The following GNL3L variants were observed in gnomAD, a reference collection of about 807,000 sequenced individuals.
GNL3L encodes guanine nucleotide-binding protein-like 3-like protein.
In GNL3L, 4 loss-of-function variants were observed where a neutral mutation model predicts 42.9. The ratio of observed to expected loss-of-function variants is 0.09; its 90% CI spans 0.05 to 0.21. The LOEUF (loss-of-function observed/expected upper bound fraction) is 0.21, where lower values mean the gene tolerates loss of function less well. GNL3L is among the 10% of genes least tolerant of loss of function. GNL3L has a pLI of 1.00. For missense variants in GNL3L, 412 were observed against 481.7 expected (o/e 0.86, Z 1.36); for synonymous variants, 159 against 176.3 (o/e 0.90, Z 0.78).
intron 16 of GNL3L, among the ~76,000 whole-genome samples, chrX:54,607,065 T>C (rs1926089951): frequency 1.6e-5 from 1 of 64,329 alleles, no homozygotes; most frequent in Admixed American, 1.6e-4. Flanking sequence ...TCTTTCTTTC[T>C]TTCTTTCTCT....
chrX:54,630,190 T>A, the GNL3L span, among the ~76,000 whole-genome samples: 1 of 111,340 alleles, frequency 9.0e-6, no homozygotes, highest in East Asian at 2.8e-4. Context: ...ATTTTGTTTA[T>A]CTTTTCAAAG....
At chrX:54,543,185 C>T in intron 6 of GNL3L, 22 bp from the exon 7 acceptor site, 1 of 1,206,789 alleles carries the variant, frequency 8.3e-7, no homozygotes, top group Non-Finnish European at 1.1e-6. Flanking sequence ...CTGCCCTCAT[C>T]TCCTGGTCCT....
chrX:54,556,199 T>G (rs1569542154), intron 14 of GNL3L, among the ~76,000 whole-genome samples: 1 of 110,842 alleles, frequency 9.0e-6, no homozygotes, highest in Non-Finnish European at 1.9e-5. Flanking sequence ...AGGAAAGAGA[T>G]TTAATTGACT....
At chrX:54,607,097 CTT>C (rs748599204) in intron 16 of GNL3L, among the ~76,000 whole-genome samples, 130 of 55,474 alleles carry the variant, frequency 2.3e-3, no homozygotes, top group Middle Eastern at 8.2e-3. Context: ...TTCTTTCTTT[CTT>C]TCTTTCTTTC....
intron 2 of GNL3L, among the ~76,000 whole-genome samples, chrX:54,538,427 C>G (rs776687054): frequency 2.7e-5 from 3 of 112,109 alleles, no homozygotes; most frequent in Admixed American, 9.6e-5. Flanking sequence ...AATAGGCCAA[C>G]TGTGAACGGG....
intron 16 of GNL3L, among the ~76,000 whole-genome samples, chrX:54,590,817 TATTCATTC>T (rs770645508): frequency 9.1e-6 from 1 of 110,352 alleles, no homozygotes; most frequent in Non-Finnish European, 1.9e-5. Flanking sequence ...TTTATTTATT[TATTCATTC>T]ATTCATTCAT....
the GNL3L span, among the ~76,000 whole-genome samples, chrX:54,640,124 T>C: frequency 9.0e-6 from 1 of 111,542 alleles, no homozygotes; most frequent in African/African-American, 3.3e-5. Flanking sequence ...TTGTATCTGT[T>C]TCCTCTTCTG....
At chrX:54,632,836 A>G in the GNL3L span, among the ~76,000 whole-genome samples, 8 of 111,299 alleles carry the variant, frequency 7.2e-5, no homozygotes, top group African/African-American at 9.8e-5. Flanking sequence ...GTGTTATAGA[A>G]CCTTGTTTTG....
intron 13 of GNL3L, 142 bp from the exon 14 acceptor site, chrX:54,554,423 G>T: frequency 4.2e-6 from 2 of 476,291 alleles, no homozygotes; most frequent in Non-Finnish European, 7.1e-6. Flanking sequence ...TCTTGGTGAT[G>T]TGGCCTCTCA....
At chrX:54,577,878 A>T (rs1925657616) in intron 16 of GNL3L, among the ~76,000 whole-genome samples, 1 of 110,195 alleles carries the variant, frequency 9.1e-6, no homozygotes. Context: ...AGTAGCTTGG[A>T]CTACAGGCGT....
intron 16 of GNL3L, among the ~76,000 whole-genome samples, chrX:54,590,763 GTATT>G (rs781249670): frequency 2.1e-3 from 237 of 110,574 alleles, no homozygotes; most frequent in African/African-American, 7.2e-3. Context: ...TTAGATTTAT[GTATT>G]TATTTATTTA....
chrX:54,548,184 C>T, intron 8 of GNL3L, 45 bp from the exon 9 acceptor site: 1 of 1,144,375 alleles, frequency 8.7e-7, no homozygotes, highest in Non-Finnish European at 1.2e-6. Flanking sequence ...CAGACCTCAT[C>T]TGCCACCTGA....
chrX:54,574,997 T>A (rs980413245), intron 16 of GNL3L, among the ~76,000 whole-genome samples: 1 of 112,522 alleles, frequency 8.9e-6, no homozygotes, highest in African/African-American at 3.2e-5. Flanking sequence ...ATTTGTGTTG[T>A]CTGTCTTTGT....
intron 5 of GNL3L, among the ~76,000 whole-genome samples, chrX:54,542,475 A>C (rs1300523421): frequency 9.0e-6 from 1 of 110,641 alleles, no homozygotes; most frequent in Admixed American, 9.7e-5. Context: ...TATGTGCCAC[A>C]TTTTCTTAAT....
At chrX:54,579,994 T>TTTTTG (rs1337372948) in intron 16 of GNL3L, among the ~76,000 whole-genome samples, 5 of 95,114 alleles carry the variant, frequency 5.3e-5, no homozygotes, top group African/African-American at 1.9e-4. Flanking sequence ...TTGTTTTTTT[T>TTTTTG]TTTTTTTTTT....
At chrX:54,531,439 C>T (rs1924243612) in intron 1 of GNL3L, among the ~76,000 whole-genome samples, 1 of 111,126 alleles carries the variant, frequency 9.0e-6, no homozygotes, top group Non-Finnish European at 1.9e-5. Context: ...TCTCTCCACC[C>T]AGGGTAGAAT....
chrX:54,604,761 C>T (rs1037793966), intron 16 of GNL3L, among the ~76,000 whole-genome samples: 3 of 112,203 alleles, frequency 2.7e-5, no homozygotes, highest in Admixed American at 9.5e-5. Flanking sequence ...CCAGTTTCTG[C>T]TACCAGCTAT....
At chrX:54,643,819 A>G in the GNL3L span, among the ~76,000 whole-genome samples, 7 of 110,251 alleles carry the variant, frequency 6.3e-5, no homozygotes, top group Admixed American at 4.8e-4. Flanking sequence ...ACTACTCTCT[A>G]CCTCCACAAG....
intron 8 of GNL3L, among the ~76,000 whole-genome samples, chrX:54,544,952 G>C (rs1194090525): frequency 1.8e-5 from 2 of 111,581 alleles, no homozygotes; most frequent in African/African-American, 6.5e-5. Flanking sequence ...GTCTCACTCT[G>C]TTGCCCAGGC....
Sources: allele counts gnomAD v4.1 joint callset (sites outside exome capture counted in the v4.1 genomes callset), GRCh38; gene constraint gnomAD v4.1.1; transcripts MANE v1.5; gene names NCBI Gene and HGNC (gene_info 2026-07-23, HGNC 2026-07-21).